ZFP1: variants seen among roughly 807,000 people sequenced by gnomAD.
The protein encoded by ZFP1 is ZFP1 zinc finger protein.
Under a neutral mutation model 38.5 loss-of-function variants are expected in ZFP1, and 32 were observed. The observed-to-expected ratio is 0.83, with a 90% CI of 0.63 to 1.12. The LOEUF is 1.12. ZFP1 is among the 50% of genes most tolerant of loss of function. The pLI, the probability that ZFP1 is intolerant of heterozygous loss-of-function variation, is 0.00. For missense variants in ZFP1, 616 were observed against 480.8 expected (o/e 1.28, Z -2.63); for synonymous variants, 245 against 168.8 (o/e 1.45, Z -3.50).
the ZFP1 span, among the ~76,000 whole-genome samples, chr16:75,131,673 G>C: frequency 6.6e-6 from 1 of 152,028 alleles, no homozygotes; most frequent in Non-Finnish European, 1.5e-5. Context: ...CTCAAAAAAT[G>C]TCTATCTTGT....
the ZFP1 span, among the ~76,000 whole-genome samples, chr16:75,119,124 G>C: frequency 1.3e-5 from 2 of 152,198 alleles, no homozygotes. Context: ...TCCTGAGGCT[G>C]TGTCACACCA....
the ZFP1 span, among the ~76,000 whole-genome samples, chr16:75,130,499 C>T: frequency 6.6e-6 from 1 of 152,144 alleles, no homozygotes; most frequent in Non-Finnish European, 1.5e-5. Flanking sequence ...CCTAGAAGGT[C>T]ATATATCTCT....
At position 75,170,127 on chromosome 16, in the gene ZFP1, C is replaced by T; in HGVS notation, c.1017C>T (p.Leu339=). Residue 339 remains leucine, a synonymous_variant, in exon 4 of 4, where the codon CTC becomes CTT. Transcript: ENST00000570010. ...CGKSFIQNSQ[L]IIHMRTHTGE... is the part of the protein sequence containing the mutation. ...AATCCTTTATCCAGAACTCACAGCT[C>T]ATCATACACATGAGAACTCATACAG... 1 of 1,614,040 alleles carries T rather than the reference C, an allele frequency of 6.2e-7. No homozygotes were observed. The highest frequency in any genetic ancestry group is 1.1e-5 in the South Asian group (1 of 91,068).
chr16:75,124,557 G>T, the ZFP1 span, among the ~76,000 whole-genome samples: 10 of 150,492 alleles, frequency 6.6e-5, no homozygotes, highest in Non-Finnish European at 1.2e-4. Flanking sequence ...GCTGAGGCGG[G>T]TGGATCATGA....
the ZFP1 span, among the ~76,000 whole-genome samples, chr16:75,122,174 A>C: frequency 2.0e-4 from 30 of 152,356 alleles, no homozygotes; most frequent in African/African-American, 6.5e-4. Flanking sequence ...ACACTTGGAC[A>C]GGGGAGGGGC....
At chr16:75,131,044 C>T in the ZFP1 span, among the ~76,000 whole-genome samples, 1 of 152,156 alleles carries the variant, frequency 6.6e-6, no homozygotes, top group Admixed American at 6.5e-5. Context: ...TCATTGACCT[C>T]CTAAGATCCA....
chr16:75,121,454 A>T, the ZFP1 span, among the ~76,000 whole-genome samples: 1 of 152,276 alleles, frequency 6.6e-6, no homozygotes, highest in East Asian at 1.9e-4. Context: ...TTGATTTGGC[A>T]TTCATCTTTC....
chr16:75,136,472 A>C, the ZFP1 span, among the ~76,000 whole-genome samples: 1 of 152,206 alleles, frequency 6.6e-6, no homozygotes, highest in East Asian at 1.9e-4. Context: ...GTTCAGTGAG[A>C]AAGGAGGCCA....
At chr16:75,135,513 AT>A in the ZFP1 span, among the ~76,000 whole-genome samples, 1 of 152,196 alleles carries the variant, frequency 6.6e-6, no homozygotes, top group African/African-American at 2.4e-5. Context: ...CCTGTAATCA[AT>A]TCCAACACTT....
At chr16:75,134,687 C>T in the ZFP1 span, among the ~76,000 whole-genome samples, 11 of 147,770 alleles carry the variant, frequency 7.4e-5, no homozygotes, top group African/African-American at 2.8e-4. Context: ...GGAGGCAGAG[C>T]TTGCAGTGAG....
chr16:75,166,484 C>G, intron 2 of ZFP1: 1 of 952,146 alleles, frequency 1.1e-6, no homozygotes, highest in Non-Finnish European at 1.3e-6. Flanking sequence ...CCCACCTAGC[C>G]TCCCAAAGTG....
chr16:75,131,840 C>A, the ZFP1 span, among the ~76,000 whole-genome samples: 7 of 151,978 alleles, frequency 4.6e-5, no homozygotes, highest in African/African-American at 1.7e-4. Context: ...GGGCAGACAC[C>A]TGTAATCTCA....
rs1401022519 is a variant in ZFP1 at position 75,171,572 on chromosome 16, ATTG to A, written c.*1243_*1245del. 2 of 152,242 alleles carry A rather than the reference ATTG, an allele frequency of 1.3e-5. No individual in the cohort carries two copies. Among genetic ancestry groups the A allele is most frequent in the Admixed American group, 1.3e-4 (2 of 15,282 alleles). The allele number at this position is 152,242 out of a possible 1,614,324, so 9.4% of individuals were successfully genotyped here. A position where few individuals can be genotyped will look rare whatever the true frequency, so the allele number is the denominator to read the frequency against. On this transcript the variant is annotated 3_prime_UTR_variant, in exon 4 of 4. Coordinates refer to ENST00000570010, the MANE Select transcript of ZFP1 (RefSeq NM_153688.4). ...GTGGTCTCTCCAGATATTAACAAGA[ATTG>A]TTGTGTAACTCAAAGATTTGCTTTT...
the ZFP1 span, among the ~76,000 whole-genome samples, chr16:75,124,119 AT>A: frequency 6.6e-6 from 1 of 151,808 alleles, no homozygotes. Flanking sequence ...CAAATAAAAA[AT>A]AAGTGTGTCC....
At chr16:75,128,226 G>A in the ZFP1 span, among the ~76,000 whole-genome samples, 1 of 152,146 alleles carries the variant, frequency 6.6e-6, no homozygotes, top group African/African-American at 2.4e-5. Flanking sequence ...GGAGCCCCAC[G>A]TTTATCTTGG....
chr16:75,141,671 G>C, the ZFP1 span, among the ~76,000 whole-genome samples: 1 of 151,784 alleles, frequency 6.6e-6, no homozygotes, highest in African/African-American at 2.4e-5. Flanking sequence ...AGGATTGCTT[G>C]AGACCAGGAA....
At chr16:75,149,679 C>T (rs918231059) in intron 1 of ZFP1, among the ~76,000 whole-genome samples, 1 of 151,556 alleles carries the variant, frequency 6.6e-6, no homozygotes, top group South Asian at 2.1e-4. Flanking sequence ...CTGCCTCAGC[C>T]TCCCGAGTAG....
chr16:75,153,022 A>T (rs2037286128), intron 2 of ZFP1, 56 bp downstream of exon 2: 1 of 1,596,918 alleles, frequency 6.3e-7, no homozygotes, highest in East Asian at 2.2e-5. Context: ...GGAAGTTTAT[A>T]AGGATCCAGA....
At chr16:75,139,519 C>A in the ZFP1 span, among the ~76,000 whole-genome samples, 1 of 151,838 alleles carries the variant, frequency 6.6e-6, no homozygotes, top group Non-Finnish European at 1.5e-5. Flanking sequence ...GAGAGAGACC[C>A]CATCTCTACC....
Sources: gnomAD v4.1 joint callset for allele counts (sites outside exome capture counted in the v4.1 genomes callset) on GRCh38, gnomAD v4.1.1 for gene constraint, MANE v1.5 for transcripts, NCBI Gene and HGNC (gene_info 2026-07-23, HGNC 2026-07-21) for gene names.